UBR4: variants seen among roughly 807,000 people sequenced by gnomAD.
The protein encoded by UBR4 is E3 ubiquitin-protein ligase UBR4.
UBR4 carries 124 observed loss-of-function variants against 575.6 expected under a neutral mutation model. The ratio of observed to expected loss-of-function variants is 0.22; its 90% CI spans 0.19 to 0.25. UBR4 has a LOEUF of 0.25. Among genes scored for constraint, UBR4 ranks in the 10% least tolerant of loss-of-function variants. The pLI, the probability that UBR4 is intolerant of heterozygous loss-of-function variation, is 1.00. For synonymous variants in UBR4, 2,455 were observed against 2,473.7 expected (o/e 0.99, Z 0.22); for missense variants, 4,818 against 6,478.8 (o/e 0.74, Z 8.80).
rs78506061 is a variant in UBR4, at chr1:19,139,425, C to T, written c.8594-205G>A. Among the ~76,000 whole-genome samples, 16 of 152,278 alleles carry T rather than the reference C, an allele frequency of 1.1e-4. No individual in the cohort carries two copies. Among genetic ancestry groups the T allele is most frequent in the East Asian group, 3.9e-4 (2 of 5,182 alleles). Reference sequence around the variant, plus strand: ...CACTAACAGGAACAAACACTATACACGGTGCATTGCAAACAGTACTTAGAC... The same window carrying T: ...CACTAACAGGAACAAACACTATACATGGTGCATTGCAAACAGTACTTAGAC... On this transcript the variant is annotated intron_variant, in intron 58 of 105. Transcript: ENST00000375254. The surrounding 1 kb of genome is among the most constrained non-coding windows in gnomAD (Gnocchi z 4.2).
At chr1:19,133,786 A>G (rs773016658) in intron 60 of UBR4, among the ~76,000 whole-genome samples, 20 of 152,102 alleles carry the variant, frequency 1.3e-4, no homozygotes, top group Middle Eastern at 3.4e-3. Flanking sequence ...TCTCAACAAA[A>G]AAAAAAACTA....
At chr1:19,086,849 G>A in intron 99 of UBR4, 28 bp from the exon 100 acceptor site, 1 of 1,611,524 alleles carries the variant, frequency 6.2e-7, no homozygotes, top group Non-Finnish European at 8.5e-7. Context: ...TAAGGAGAGG[G>A]GAGGAGAAAC....
chr1:19,115,021 G>C (rs2080328556), intron 74 of UBR4, 72 bp from the exon 75 acceptor site: 3 of 1,592,988 alleles, frequency 1.9e-6, no homozygotes, highest in Non-Finnish European at 8.6e-7. Context: ...TGAGGAAATG[G>C]ATTGTGCCAC....
rs777011075 is a variant in UBR4 at position 19,138,131 on chromosome 1, C to T, written c.8782G>A (p.Ala2928Thr). The change falls in exon 60 of 106, where the codon GCT (alanine) becomes ACT (threonine). Residue 2928 changes from alanine to threonine, a missense_variant. Physicochemically the swap from Ala to Thr is moderately conservative, Grantham distance 58. Transcript: ENST00000375254. Reference protein sequence around the residue: ...YGDATAEGHPAGPGSVSSSTG... With the variant: ...YGDATAEGHPTGPGSVSSSTG... The stretch of plus-strand genomic sequence containing the variant: ...CTTGAGCTGACACTTCCTGGTCCAG[C>T]CGGATGCCCCTCAGCTGTAGCATCG... 1 of 1,596,746 alleles carries T rather than the reference C, an allele frequency of 6.3e-7. No individual in the cohort carries two copies. Among genetic ancestry groups the T allele is most frequent in the East Asian group, 2.3e-5 (1 of 44,148 alleles).
At chr1:19,156,946 A>C in intron 40 of UBR4, 21 bp from the exon 41 acceptor site, 2 of 1,608,492 alleles carry the variant, frequency 1.2e-6, no homozygotes, top group South Asian at 2.2e-5. Context: ...ACAATGACTA[A>C]TTTATTCCTA....
intron 65 of UBR4, among the ~76,000 whole-genome samples, chr1:19,124,020 C>T (rs1298338762): frequency 6.6e-6 from 1 of 152,188 alleles, no homozygotes; most frequent in Admixed American, 6.5e-5. Flanking sequence ...CATCTGCCTG[C>T]AGTCCTAGCA....
At chr1:19,114,692 A>G in intron 75 of UBR4, 119 bp downstream of exon 75, 1 of 1,319,958 alleles carries the variant, frequency 7.6e-7, no homozygotes, top group Non-Finnish European at 1.0e-6. Context: ...TGGGCCCTGA[A>G]ACTGGTGTTG....
At position 19,161,753 on chromosome 1, in the gene UBR4, C is replaced by T; in HGVS notation, c.5028-17G>A. Reference sequence around the variant, plus strand: ...CAGTGGTACCTACAAAGAACAAGAACCAGCAAATAAGCTCAGAAGTCCCAA... The same window carrying T: ...CAGTGGTACCTACAAAGAACAAGAATCAGCAAATAAGCTCAGAAGTCCCAA... On this transcript the variant is annotated splice_polypyrimidine_tract_variant and intron_variant, in intron 36 of 105. Transcript: ENST00000375254. The T allele has an allele frequency of 6.2e-7, 1 of 1,613,332 alleles. No individual in the cohort carries two copies. The highest frequency in any genetic ancestry group is 8.5e-7 in the Non-Finnish European group (1 of 1,179,440).
At position 19,173,223 on chromosome 1, in the gene UBR4, C is replaced by T. The variant is rs779124098; in HGVS notation, c.3249G>A (p.Val1083=). The change falls in exon 24 of 106, where the codon GTG becomes GTA. Residue 1083 remains valine, a synonymous_variant. Transcript: ENST00000375254. ...CCTCTACTATTTCAACATCATATTT[C>T]ACTGAGCTACACTTAGTGGTGGATG... ...ELASTTKCSS[V]KYDVEIVEEY... is the part of the protein sequence containing the mutation. The T allele has an allele frequency of 6.2e-7, 1 of 1,614,100 alleles. No homozygotes were observed. Among genetic ancestry groups the T allele is most frequent in the African/African-American group, 1.3e-5 (1 of 74,938 alleles).
intron 31 of UBR4, 39 bp from the exon 32 acceptor site, chr1:19,165,036 G>A (rs2088088731): frequency 1.9e-6 from 3 of 1,606,324 alleles, no homozygotes; most frequent in African/African-American, 2.7e-5. Context: ...GTAAAGAAGG[G>A]CAAGAGGAAG....
chr1:19,132,203 A>G (rs2082554404), intron 60 of UBR4, among the ~76,000 whole-genome samples: 1 of 152,086 alleles, frequency 6.6e-6, no homozygotes, highest in African/African-American at 2.4e-5. Context: ...TTTTTTTGAG[A>G]CAGAGTCTCA....
intron 1 of UBR4, among the ~76,000 whole-genome samples, chr1:19,206,783 T>C (rs1377542883): frequency 1.3e-5 from 2 of 152,264 alleles, no homozygotes; most frequent in Non-Finnish European, 2.9e-5. Context: ...CTTGAGAGTA[T>C]GCTTTCCAAC....
chr1:19,164,613 A>G (rs1049898151), intron 32 of UBR4, among the ~76,000 whole-genome samples, 172 bp from the exon 33 acceptor site: 3 of 152,214 alleles, frequency 2.0e-5, no homozygotes, highest in African/African-American at 7.2e-5. Context: ...TGACAGGCCA[A>G]GTCATTCCAA....
Position 19,153,110 on chromosome 1 carries a change from G to A in UBR4, c.6832+191C>T, listed in dbSNP as rs1024620468. On this transcript the variant is annotated intron_variant, in intron 46 of 105. Transcript: ENST00000375254. The surrounding 1 kb of genome is among the most constrained non-coding windows in gnomAD (Gnocchi z 4.1). ...GTTACTAGGCACCAAAGAACTGCTGGCCTGAAACAGGCAGCCAATGGGTGC... is the reference window on the plus strand; with the variant it reads ...GTTACTAGGCACCAAAGAACTGCTGACCTGAAACAGGCAGCCAATGGGTGC... Among the ~76,000 whole-genome samples, 8 of 152,342 alleles carry A rather than the reference G, an allele frequency of 5.3e-5. No individual in the cohort carries two copies. The East Asian group carries it at 1.5e-3, about 29-fold the overall frequency.
intron 1 of UBR4, among the ~76,000 whole-genome samples, chr1:19,204,594 T>C (rs1329986859): frequency 6.6e-6 from 1 of 152,028 alleles, no homozygotes; most frequent in African/African-American, 2.4e-5. Context: ...CATCCTATTG[T>C]GATCTAATGA....
At chr1:19,099,791 TG>T in intron 89 of UBR4, 114 bp from the exon 90 acceptor site, 1 of 830,020 alleles carries the variant, frequency 1.2e-6, no homozygotes, top group Non-Finnish European at 1.9e-6. Flanking sequence ...TTATATGTCA[TG>T]GACCTATCAA....
chr1:19,092,473 G>A (rs1448350641), intron 97 of UBR4, among the ~76,000 whole-genome samples: 1 of 151,446 alleles, frequency 6.6e-6, no homozygotes, highest in East Asian at 1.9e-4. Context: ...AAGAACAAGG[G>A]GTTCAGCTGC....
rs759017006 is a variant in UBR4, at chr1:19,160,194, C to T, written c.5494G>A (p.Val1832Ile). The stretch of plus-strand genomic sequence containing the variant: ...TGCTGAGCACGGCTGCTGCTCCCGA[C>T]GGCTGAAGCTTGCTGGAAGTTGGTC... ...IQTNFQQASAVGSSSRAQQAL... is the reference protein window; with the variant it reads ...IQTNFQQASAIGSSSRAQQAL... Residue 1832 changes from valine (V) to isoleucine (I), a missense_variant, in exon 39 of 106, where the codon GTC becomes ATC. Val to Ile is a conservative substitution (Grantham distance 29). Around this residue, in one of 29 missense-constraint regions of UBR4, gnomAD observed 159 missense variants for 174.6 expected, o/e 0.91. Coordinates refer to ENST00000375254, the MANE Select transcript of UBR4 (RefSeq NM_020765.3). 2.2e-5 allele frequency: 36 copies of T among 1,613,678 alleles called. No individual in the cohort carries two copies. The highest frequency in any genetic ancestry group is 1.6e-4 in the Middle Eastern group (1 of 6,084).
At chr1:19,105,678 GA>G in intron 84 of UBR4, 54 bp downstream of exon 84, 1 of 1,346,444 alleles carries the variant, frequency 7.4e-7, no homozygotes. Context: ...CGGGGAAGAT[GA>G]AAAGGCTCTA....
Sources: allele counts gnomAD v4.1 joint callset (sites outside exome capture counted in the v4.1 genomes callset), GRCh38; gene constraint gnomAD v4.1.1; regional missense constraint gnomAD v4.1.1; non-coding constraint Gnocchi (gnomAD v3.1); transcripts MANE v1.5; gene names NCBI Gene and HGNC (gene_info 2026-07-23, HGNC 2026-07-21).